Variants in ZNF468 observed in about 807,000 individuals in gnomAD.
ZNF468 encodes zinc finger protein 468, also known as zinc finger protein ZNF468.
A neutral mutation model predicts 7.2 loss-of-function variants in ZNF468; 8 were observed. The observed-to-expected ratio is 1.11, with a 90% confidence interval of 0.65 to 2.01. The LOEUF is 2.01. ZNF468 is among the 30% of genes most tolerant of loss of function. The probability of loss-of-function intolerance (pLI) is 0.00; values close to 1 mark genes in which losing one functional copy is unlikely to be tolerated. For missense variants in ZNF468, 608 were observed against 626.5 expected, an observed-to-expected ratio of 0.97 and a Z score of 0.31; for synonymous variants, 218 against 214.4, an observed-to-expected ratio of 1.02 and a Z score of -0.15.
At position 52,854,204 on chromosome 19, in the gene ZNF468, C is replaced by T. The variant is rs2063416607; in HGVS notation, c.15+54G>A. On this transcript the variant is annotated intron_variant, in intron 2 of 3. Coordinates refer to ENST00000595646, the MANE Select transcript of ZNF468 (RefSeq NM_001008801.2). ...ACCCAGACATTCCCAACTCCAAGGC[C>T]CAGGGTATCTGAAAGGAAGGAGACA... 12 of 1,613,070 alleles carry T rather than the reference C, an allele frequency of 7.4e-6. No individual in the cohort carries two copies. In the South Asian group the frequency reaches 1.3e-4, roughly 18 times the overall value.
intron 3 of ZNF468, among the ~76,000 whole-genome samples, chr19:52,846,074 T>C (rs1402754093): frequency 6.6e-6 from 1 of 152,158 alleles, no homozygotes. Flanking sequence ...CTTTTCTTCA[T>C]AACTAAACTT....
At chr19:52,843,370 T>A (rs57066788) in intron 3 of ZNF468, among the ~76,000 whole-genome samples, 30,366 of 151,868 alleles carry the variant, frequency 0.2, 3,544 homozygotes, top group South Asian at 0.36. Flanking sequence ...GCACCTGGGA[T>A]TACAGGCATG....
At chr19:52,852,838 A>AT (rs1208100063) in intron 2 of ZNF468, among the ~76,000 whole-genome samples, 3 of 146,654 alleles carry the variant, frequency 2.0e-5, no homozygotes, top group Non-Finnish European at 3.0e-5. Context: ...AATATATAAA[A>AT]TTTTTTTTTA....
Position 52,840,562 on chromosome 19 carries a change from G to T in ZNF468, c.*163C>A. On this transcript the variant is annotated 3_prime_UTR_variant, in exon 4 of 4. Transcript: ENST00000595646. ...TTTGTCACATTCCTCCCATTTGTAA[G>T]GTTTCTCTCCAGTATGAAGTCTATG... The T allele has an allele frequency of 7.4e-7, 1 of 1,343,678 alleles. No individual in the cohort carries two copies. Among genetic ancestry groups the T allele is most frequent in the South Asian group, 1.2e-5 (1 of 82,476 alleles). 83.2% of individuals were successfully genotyped at this position (1,343,678 alleles called of 1,614,324 possible). A position where few individuals can be genotyped will look rare whatever the true frequency, so the allele number is the denominator to read the frequency against.
intron 3 of ZNF468, among the ~76,000 whole-genome samples, chr19:52,847,534 G>A (rs954244951): frequency 1.3e-5 from 2 of 151,702 alleles, no homozygotes; most frequent in Non-Finnish European, 2.9e-5. Flanking sequence ...ATAAAAGGAA[G>A]GCTTCTGTCT....
intron 1 of ZNF468, among the ~76,000 whole-genome samples, chr19:52,855,763 A>T (rs1305722226): frequency 2.6e-5 from 4 of 152,166 alleles, no homozygotes; most frequent in Non-Finnish European, 5.9e-5. Context: ...CCTCTACCAG[A>T]AAAAAAGCCA....
intron 2 of ZNF468, 99 bp downstream of exon 2, chr19:52,854,159 A>C: frequency 1.9e-6 from 3 of 1,604,900 alleles, no homozygotes; most frequent in Non-Finnish European, 2.6e-6. Flanking sequence ...GTGAGCAAAC[A>C]TGTCAGGCAG....
At chr19:52,851,449 C>A (rs767764928) in intron 2 of ZNF468, among the ~76,000 whole-genome samples, 1 of 152,038 alleles carries the variant, frequency 6.6e-6, no homozygotes, top group African/African-American at 2.4e-5. Context: ...TGGTGGCACT[C>A]GCCTGTATTC....
chr19:52,854,442 C>T (rs184391955), intron 1 of ZNF468, 97 bp from the exon 2 acceptor site: 47 of 1,264,610 alleles, frequency 3.7e-5, no homozygotes, highest in Middle Eastern at 2.3e-4. Context: ...CTGGGAAATA[C>T]GGTCCCCTCT....
Position 52,841,864 on chromosome 19 carries a change from A to G in ZNF468, c.430T>C (p.Phe144Leu). Residue 144 changes from phenylalanine to leucine, a missense_variant, in exon 4 of 4, where the codon TTT becomes CTT. Physicochemically the swap from Phe to Leu is conservative, Grantham distance 22. Transcript: ENST00000595646. The stretch of plus-strand genomic sequence containing the variant: ...TGCGGTTCAGGCAGATGCAAATGAA[A>G]GCTTGATCCAAGCTGATCTTTAATA... ...KRIKDQLGSS[F>L]HLHLPEPHIF... The G allele has an allele frequency of 1.9e-6, 3 of 1,614,102 alleles. No homozygotes were observed. Among genetic ancestry groups the G allele is most frequent in the Non-Finnish European group, 2.5e-6 (3 of 1,180,018 alleles).
chr19:52,839,954 C>T lies in ZNF468; in HGVS notation c.*771G>A. On this transcript the variant is annotated 3_prime_UTR_variant, in exon 4 of 4. Transcript: ENST00000595646. ...ACTTTGTGACAATCATTACATTAGT[C>T]AAGTTTCCCTATACCATGGATTGCT... is the stretch of plus-strand genomic sequence containing the variant. 2 of 1,210,340 alleles carry T rather than the reference C, an allele frequency of 1.7e-6. No homozygotes were observed. The highest frequency in any genetic ancestry group is 1.3e-5 in the South Asian group (1 of 75,868). 75.0% of individuals were successfully genotyped at this position (1,210,340 alleles called of 1,614,324 possible).
At chr19:52,850,797 G>C (rs1456667781) in intron 2 of ZNF468, among the ~76,000 whole-genome samples, 4 of 151,848 alleles carry the variant, frequency 2.6e-5, no homozygotes, top group African/African-American at 9.7e-5. Context: ...TACTCGGGAG[G>C]CTGAGGCAGG....
chr19:52,850,789 C>T (rs899532709), intron 2 of ZNF468, among the ~76,000 whole-genome samples: 17 of 151,898 alleles, frequency 1.1e-4, no homozygotes, highest in Admixed American at 7.9e-4. Flanking sequence ...GTCCCAGCTA[C>T]TCGGGAGGCT....
At chr19:52,850,918 A>AATATAT (rs553797456) in intron 2 of ZNF468, among the ~76,000 whole-genome samples, 23 of 148,946 alleles carry the variant, frequency 1.5e-4, no homozygotes, top group African/African-American at 5.4e-4. Flanking sequence ...AATAATAATA[A>AATATAT]ATATATATAT....
chr19:52,850,832 G>C (rs930178228), intron 2 of ZNF468, among the ~76,000 whole-genome samples: 1 of 151,904 alleles, frequency 6.6e-6, no homozygotes, highest in African/African-American at 2.4e-5. Flanking sequence ...CCGGGAGGTG[G>C]AGCTTGCAGT....
At chr19:52,855,701 A>G (rs1190888673) in intron 1 of ZNF468, among the ~76,000 whole-genome samples, 4 of 144,362 alleles carry the variant, frequency 2.8e-5, no homozygotes, top group African/African-American at 1.0e-4. Flanking sequence ...TTTTTTTTTC[A>G]TTTTTGGGGT....
chr19:52,838,430 G>T lies in ZNF468; in HGVS notation c.*2295C>A, dbSNP rs2063266062. On this transcript the variant is annotated 3_prime_UTR_variant, in exon 4 of 4. Coordinates refer to ENST00000595646, the MANE Select transcript of ZNF468 (RefSeq NM_001008801.2). ...GGAAAACGGAATGCTTTTCCTGTAGGATCTCACATGATGCAAGAATGCTCT... is the reference window on the plus strand; with the variant it reads ...GGAAAACGGAATGCTTTTCCTGTAGTATCTCACATGATGCAAGAATGCTCT... The T allele has an allele frequency of 6.6e-6, 1 of 152,166 alleles. No homozygotes were observed. The highest frequency in any genetic ancestry group is 6.5e-5 in the Admixed American group (1 of 15,282). 9.4% of individuals were successfully genotyped at this position (152,166 alleles called of 1,614,324 possible).
In ZNF468 at chr19:52,839,790, G is replaced by T; in HGVS notation, c.*935C>A. ...CTTGCCTCAATCATGACATTTATAAGGTTTCTCTCCAGCATGAGTTCACCA... is the reference window on the plus strand; with the variant it reads ...CTTGCCTCAATCATGACATTTATAATGTTTCTCTCCAGCATGAGTTCACCA... On this transcript the variant is annotated 3_prime_UTR_variant, in exon 4 of 4. Transcript: ENST00000595646. 2.0e-6 allele frequency: 1 copy of T among 497,030 alleles called. No individual in the cohort carries two copies. Among genetic ancestry groups the T allele is most frequent in the South Asian group, 1.6e-5 (1 of 63,384 alleles). 30.8% of individuals were successfully genotyped at this position (497,030 alleles called of 1,614,324 possible).
intron 3 of ZNF468, among the ~76,000 whole-genome samples, chr19:52,842,844 C>T (rs79369017): frequency 0.17 from 15,516 of 90,804 alleles, 2,156 homozygotes; most frequent in South Asian, 0.32. Flanking sequence ...AAAAAAAAGA[C>T]ATGGCATGGT....
Sources: allele counts gnomAD v4.1 joint callset (sites outside exome capture counted in the v4.1 genomes callset), GRCh38; gene constraint gnomAD v4.1.1; transcripts MANE v1.5; gene names NCBI Gene and HGNC (gene_info 2026-07-23, HGNC 2026-07-21).